TNS1: variants seen among roughly 807,000 people sequenced by gnomAD.
TNS1 encodes the protein tensin 1, also known as tensin-1.
TNS1 carries 62 observed loss-of-function variants against 168.6 expected under a neutral mutation model. The observed-to-expected ratio is 0.37, with a 90% confidence interval of 0.30 to 0.45. The LOEUF (loss-of-function observed/expected upper bound fraction) is 0.45, where lower values mean the gene tolerates loss of function less well. Among genes scored for constraint, TNS1 ranks in the 20% least tolerant of loss-of-function variants. The probability of loss-of-function intolerance (pLI) is 1.00; values close to 1 mark genes in which losing one functional copy is unlikely to be tolerated. For synonymous variants in TNS1, 934 were observed against 933.2 expected, an observed-to-expected ratio of 1.00 and a Z score of -0.02; for missense variants, 2,240 against 2,339.4, an observed-to-expected ratio of 0.96 and a Z score of 0.88.
intron 19 of TNS1, among the ~76,000 whole-genome samples, chr2:217,846,150 C>T (rs922514481): frequency 6.6e-6 from 1 of 152,200 alleles, no homozygotes; most frequent in Non-Finnish European, 1.5e-5. Flanking sequence ...ACTGCCCATC[C>T]TTTGTTCCGA....
intron 1 of TNS1, among the ~76,000 whole-genome samples, chr2:218,009,127 TG>T (rs1958683955): frequency 6.6e-6 from 1 of 152,142 alleles, no homozygotes; most frequent in African/African-American, 2.4e-5. Flanking sequence ...TTAACCAGAA[TG>T]GTGGACTTCC....
chr2:218,004,328 C>T (rs1196923824), upstream of TNS1, among the ~76,000 whole-genome samples: 1 of 152,194 alleles, frequency 6.6e-6, no homozygotes, highest in African/African-American at 2.4e-5. Context: ...GCTATACATG[C>T]CCTGGGGCCA....
intron 9 of TNS1, among the ~76,000 whole-genome samples, chr2:217,894,681 AAAC>A (rs1952091024): frequency 6.6e-6 from 1 of 152,006 alleles, no homozygotes; most frequent in Non-Finnish European, 1.5e-5. Flanking sequence ...ACAAACAAAA[AAAC>A]CGGCAGCTGG....
chr2:217,920,563 A>AT (rs35026780), intron 3 of TNS1, among the ~76,000 whole-genome samples: 2,784 of 135,914 alleles, frequency 0.02, 49 homozygotes, highest in East Asian at 0.044. Flanking sequence ...AAGAAGAAGG[A>AT]TTTTTTTTTT....
chr2:217,815,279 C>A, intron 24 of TNS1: 1 of 359,200 alleles, frequency 2.8e-6, no homozygotes, highest in Non-Finnish European at 5.2e-6. Flanking sequence ...GTCTACATGC[C>A]AAGGGACACC....
chr2:217,898,309 G>A (rs1228056367), intron 7 of TNS1, among the ~76,000 whole-genome samples: 1 of 152,246 alleles, frequency 6.6e-6, no homozygotes, highest in Admixed American at 6.5e-5. Flanking sequence ...GACTGGCCCA[G>A]GAACCCAGGA....
chr2:217,947,056 C>T (rs574057845), intron 3 of TNS1, among the ~76,000 whole-genome samples: 1 of 151,726 alleles, frequency 6.6e-6, no homozygotes, highest in African/African-American at 2.4e-5. Flanking sequence ...CCAACTCTTC[C>T]TTCCAAGCCC....
At chr2:217,964,984 G>C (rs1477527586) in intron 3 of TNS1, among the ~76,000 whole-genome samples, 1 of 152,208 alleles carries the variant, frequency 6.6e-6, no homozygotes, top group Non-Finnish European at 1.5e-5. Flanking sequence ...GAGGGAGCAG[G>C]GGTGTCAAAG....
intron 3 of TNS1, among the ~76,000 whole-genome samples, chr2:217,955,054 G>A (rs1957328562): frequency 6.6e-6 from 1 of 152,210 alleles, no homozygotes; most frequent in Non-Finnish European, 1.5e-5. Flanking sequence ...GGCTGTCTGG[G>A]CAGCCAGAGC....
chr2:217,879,757 G>A (rs765439270), intron 18 of TNS1, among the ~76,000 whole-genome samples: 27 of 152,148 alleles, frequency 1.8e-4, no homozygotes, highest in Non-Finnish European at 1.2e-4. Context: ...CAAAACCTTG[G>A]GGAGGGAGAC....
At chr2:218,031,212 CTGTG>C (rs1245400051) in intron 1 of TNS1, among the ~76,000 whole-genome samples, 1 of 123,758 alleles carries the variant, frequency 8.1e-6, no homozygotes. Flanking sequence ...GTGAGTGTGT[CTGTG>C]TGTATGAGTG....
At chr2:217,896,975 T>C (rs1952377383) in intron 8 of TNS1, among the ~76,000 whole-genome samples, 1 of 152,208 alleles carries the variant, frequency 6.6e-6, no homozygotes, top group South Asian at 2.1e-4. Flanking sequence ...TTTTTCTGAA[T>C]ATTTTCAACT....
chr2:217,930,797 C>T (rs960007837), intron 3 of TNS1, among the ~76,000 whole-genome samples: 87 of 152,330 alleles, frequency 5.7e-4, no homozygotes, highest in African/African-American at 2.0e-3. Flanking sequence ...ATATGGAATG[C>T]AGGCTTCAGA....
intron 19 of TNS1, among the ~76,000 whole-genome samples, chr2:217,838,758 T>C (rs1040519470): frequency 1.3e-5 from 2 of 152,158 alleles, no homozygotes; most frequent in African/African-American, 2.4e-5. Flanking sequence ...TCTTGCTCTA[T>C]GGGAGGGGAG....
At position 217,885,734 on chromosome 2, in the gene TNS1, C is replaced by T; in HGVS notation, c.1116+10G>A. ...CAAGGATGGGGCTTGACACAGAGGA[C>T]AGCACTCACCAAGATGTCTCCCTTC... is the stretch of plus-strand genomic sequence containing the variant. On this transcript the variant is annotated intron_variant, in intron 15 of 32. Transcript: ENST00000682258. 6.2e-7 allele frequency: 1 copy of T among 1,605,090 alleles called. No homozygotes were observed. The highest frequency in any genetic ancestry group is 8.5e-7 in the Non-Finnish European group (1 of 1,173,822).
intron 28 of TNS1, 48 bp from the exon 29 acceptor site, chr2:217,810,367 G>A (rs779784952): frequency 9.4e-6 from 15 of 1,593,832 alleles, no homozygotes; most frequent in South Asian, 3.3e-5. Context: ...CTGGAAAGAA[G>A]CACAAGTTTG....
intron 4 of TNS1, among the ~76,000 whole-genome samples, chr2:217,918,397 G>T (rs1379451404): frequency 1.3e-5 from 2 of 152,206 alleles, no homozygotes; most frequent in Admixed American, 6.5e-5. Flanking sequence ...GCACCGTCTG[G>T]TGACACAGCC....
In TNS1 at chr2:218,032,153, C is replaced by G. The variant is rs557728901; in HGVS notation, c.156+1667G>C. On this transcript the variant is annotated intron_variant, in intron 1 of 1. Coordinates refer to the TNS1 transcript ENST00000649572. The surrounding 1 kb of genome is among the most constrained non-coding windows in gnomAD (Gnocchi z 4.0). ...CAGTTGTGGGACCTAGAGAGGCCAC[C>G]TGGGAGGGGCAGGGCCCACAGCTGC... Among the ~76,000 whole-genome samples the G allele has an allele frequency of 6.4e-4, 97 of 152,310 alleles. No individual in the cohort carries two copies. The highest frequency in any genetic ancestry group is 2.1e-3 in the African/African-American group (89 of 41,556).
intron 3 of TNS1, among the ~76,000 whole-genome samples, chr2:217,955,826 G>T (rs1385451324): frequency 3.3e-5 from 5 of 152,202 alleles, no homozygotes; most frequent in Non-Finnish European, 7.3e-5. Context: ...AATATTTTCA[G>T]TGACACTGGG....
Sources: allele counts gnomAD v4.1 joint callset (sites outside exome capture counted in the v4.1 genomes callset), GRCh38; gene constraint gnomAD v4.1.1; non-coding constraint Gnocchi (gnomAD v3.1); transcripts MANE v1.5; gene names NCBI Gene and HGNC (gene_info 2026-07-23, HGNC 2026-07-21).